RBM4: variants seen among roughly 807,000 people sequenced by gnomAD.
RBM4 encodes RNA binding motif protein 4.
RBM4 carries 7 observed loss-of-function variants against 29.5 expected under a neutral mutation model. The ratio of observed to expected loss-of-function variants is 0.24; its 90% CI spans 0.14 to 0.45. The LOEUF (loss-of-function observed/expected upper bound fraction) is 0.45, where lower values mean the gene tolerates loss of function less well. Ranked by LOEUF, RBM4 falls within the 20% of genes least tolerant of loss-of-function variation. The pLI is 1.00. For missense variants in RBM4, 387 were observed against 502.3 expected (o/e 0.77, Z 2.19); for synonymous variants, 220 against 205.4 (o/e 1.07, Z -0.61).
At chr11:66,656,186 G>A (rs1212690362) in intron 2 of RBM4, among the ~76,000 whole-genome samples, 1 of 152,036 alleles carries the variant, frequency 6.6e-6, no homozygotes, top group East Asian at 1.9e-4. Flanking sequence ...ACCCAGGCTG[G>A]AGTGCAGTGG....
intron 2 of RBM4, among the ~76,000 whole-genome samples, chr11:66,654,477 C>T (rs1938901052): frequency 6.6e-6 from 1 of 151,910 alleles, no homozygotes; most frequent in South Asian, 2.1e-4. Context: ...GCCTGGGTGA[C>T]AGAGTGAGAC....
At chr11:66,644,301 T>A in intron 3 of RBM4, 161 bp downstream of exon 3, 2 of 1,003,152 alleles carry the variant, frequency 2.0e-6, no homozygotes, top group Non-Finnish European at 2.8e-6. Flanking sequence ...TGCTTAACTT[T>A]AAAATACATA....
At chr11:66,656,056 C>T (rs573350273) in intron 2 of RBM4, among the ~76,000 whole-genome samples, 11 of 152,022 alleles carry the variant, frequency 7.2e-5, no homozygotes, top group African/African-American at 2.2e-4. Context: ...CCACAACCTC[C>T]GCCTCGCGGG....
rs1380983584 is a variant in RBM4 at position 66,646,332 on chromosome 11, C to A, written c.*314C>A. The A allele has an allele frequency of 7.1e-6, 9 of 1,274,576 alleles. No individual in the cohort carries two copies. The highest frequency in any genetic ancestry group is 8.0e-6 in the Non-Finnish European group (8 of 1,005,128). The allele number at this position is 1,274,576 out of a possible 1,614,324, so 79.0% of individuals were successfully genotyped here. ...GTGCTGTCTCCTCCCTGCCTCCTGCCTCCTGCGGCTGTTGGATTTGGGAAT... is the reference window on the plus strand; with the variant it reads ...GTGCTGTCTCCTCCCTGCCTCCTGCATCCTGCGGCTGTTGGATTTGGGAAT... On this transcript the variant is annotated 3_prime_UTR_variant, in exon 4 of 4. Transcript: ENST00000310092.
At chr11:66,647,392 A>G (rs1184225243), downstream of RBM4, among the ~76,000 whole-genome samples, 1 of 152,204 alleles carries the variant, frequency 6.6e-6, no homozygotes, top group African/African-American at 2.4e-5. Flanking sequence ...ATCATAGATG[A>G]CCAAGATTTG....
chr11:66,650,308 G>A (rs950614220), downstream of RBM4, among the ~76,000 whole-genome samples: 20 of 152,260 alleles, frequency 1.3e-4, no homozygotes, highest in Admixed American at 6.5e-5. Context: ...GTGGCTCAAC[G>A]CCTGTAATCC....
At chr11:66,648,376 C>T (rs1013254066), downstream of RBM4, among the ~76,000 whole-genome samples, 3 of 151,664 alleles carry the variant, frequency 2.0e-5, no homozygotes, top group Admixed American at 2.0e-4. Context: ...AAAAAATTAG[C>T]TGGGCATAGT....
Position 66,658,337 on chromosome 11 carries a change from C to CTTTTTTTTTTTTTTT in RBM4, c.413-7508_413-7494dup, listed in dbSNP as rs35133059. Among the ~76,000 whole-genome samples the CTTTTTTTTTTTTTTT allele has an allele frequency of 2.8e-4, 14 of 50,456 alleles. 1 individual carries two copies. Among genetic ancestry groups the CTTTTTTTTTTTTTTT allele is most frequent in the Admixed American group, 3.9e-4 (1 of 2,542 alleles). The allele number at this position is 50,456 out of a possible 152,430, so 33.1% of individuals were successfully genotyped here. A position where few individuals can be genotyped will look rare whatever the true frequency, so the allele number is the denominator to read the frequency against. The stretch of plus-strand genomic sequence containing the variant: ...GCCACTGTGCCTGGCCTAGTCTGAC[C>CTTTTTTTTTTTTTTT]TTTTTTTTTTTTTTTTTTTTTTTTT... On this transcript the variant is annotated intron_variant, in intron 2 of 2. Coordinates refer to the RBM4 transcript ENST00000396053.
intron 2 of RBM4, among the ~76,000 whole-genome samples, chr11:66,653,792 G>C (rs933818309): frequency 4.0e-5 from 6 of 151,806 alleles, no homozygotes; most frequent in African/African-American, 1.5e-4. Context: ...ATTATACATG[G>C]GTTTTCTTTT....
chr11:66,645,503 A>G (rs1410975501), intron 3 of RBM4, among the ~76,000 whole-genome samples: 7 of 152,194 alleles, frequency 4.6e-5, no homozygotes, highest in Admixed American at 4.6e-4. Context: ...CCTTCTTTCC[A>G]AAGTTAGTTT....
At chr11:66,658,741 A>T (rs1309473344) in intron 2 of RBM4, among the ~76,000 whole-genome samples, 1 of 152,016 alleles carries the variant, frequency 6.6e-6, no homozygotes, top group African/African-American at 2.4e-5. Flanking sequence ...GTTTGAGACC[A>T]GCCTGGCCAA....
At chr11:66,660,351 CTTTT>C (rs56839505) in intron 2 of RBM4, among the ~76,000 whole-genome samples, 2 of 127,568 alleles carry the variant, frequency 1.6e-5, no homozygotes, top group Admixed American at 8.0e-5. Flanking sequence ...GGGAGTCTCT[CTTTT>C]TTTTTTTTTT....
chr11:66,664,333 A>AG (rs1175477715), intron 2 of RBM4, among the ~76,000 whole-genome samples: 15 of 151,440 alleles, frequency 9.9e-5, no homozygotes, highest in Admixed American at 9.9e-4. Flanking sequence ...TATTTTTAGT[A>AG]GGGACAGGGT....
intron 2 of RBM4, among the ~76,000 whole-genome samples, chr11:66,656,362 G>A (rs756809022): frequency 6.2e-4 from 95 of 152,116 alleles, no homozygotes; most frequent in African/African-American, 1.2e-3. Flanking sequence ...GGATGGTCTC[G>A]ATCTCATGAC....
In RBM4 at chr11:66,640,018, C is replaced by G. The variant is rs368321913; in HGVS notation, c.307C>G (p.Pro103Ala). ...ELRAKFEEYG[P>A]VIECDIVKDY... ...TCGAGCCAAGTTTGAGGAGTATGGT[C>G]CGGTCATCGAATGTGACATCGTGAA... The change falls in exon 2 of 4, where the codon CCG becomes GCG. Residue 103 changes from proline (P) to alanine (A), a missense_variant. By Grantham distance (27) the Pro-to-Ala change is conservative. Coordinates refer to ENST00000310092, the MANE Select transcript of RBM4 (RefSeq NM_002896.4). 13 of 1,614,024 alleles carry G rather than the reference C, an allele frequency of 8.1e-6. No homozygotes were observed. The highest frequency in any genetic ancestry group is 9.3e-6 in the Non-Finnish European group (11 of 1,180,042).
intron 2 of RBM4, among the ~76,000 whole-genome samples, chr11:66,659,029 C>G (rs910517006): frequency 6.7e-6 from 1 of 150,362 alleles, no homozygotes; most frequent in Non-Finnish European, 1.5e-5. Context: ...GGTAAAAATA[C>G]ATTAAAATTT....
chr11:66,647,931 A>T (rs1938737682), downstream of RBM4, among the ~76,000 whole-genome samples: 1 of 152,150 alleles, frequency 6.6e-6, no homozygotes, highest in Non-Finnish European at 1.5e-5. Context: ...CCGGCCAGTC[A>T]TGGTGGCTCA....
exon 3 of RBM4, chr11:66,665,941 G>A (rs760474140): frequency 1.3e-6 from 2 of 1,534,968 alleles, no homozygotes; most frequent in South Asian, 1.2e-5. Context: ...TAATTTTGGA[G>A]TCCAGGAAAA....
chr11:66,648,542 C>T (rs1042247741), downstream of RBM4, among the ~76,000 whole-genome samples: 10 of 149,666 alleles, frequency 6.7e-5, no homozygotes, highest in East Asian at 8.0e-4. Flanking sequence ...TTGCCAGGCG[C>T]GGTGGCTCAC....
Sources: allele counts gnomAD v4.1 joint callset (sites outside exome capture counted in the v4.1 genomes callset), GRCh38; gene constraint gnomAD v4.1.1; transcripts MANE v1.5; gene names NCBI Gene and HGNC (gene_info 2026-07-23, HGNC 2026-07-21).